AREL1: variants seen among roughly 807,000 people sequenced by gnomAD.
The protein encoded by AREL1 is apoptosis-resistant E3 ubiquitin protein ligase 1.
Under a neutral mutation model 99.0 loss-of-function variants are expected in AREL1, and 62 were observed. The observed-to-expected ratio is 0.63, with a 90% CI of 0.51 to 0.77. The LOEUF (loss-of-function observed/expected upper bound fraction) is 0.77, where lower values mean the gene tolerates loss of function less well. AREL1 is among the 30% of genes least tolerant of loss of function. The probability of loss-of-function intolerance (pLI) is 0.00; values close to 1 mark genes in which losing one functional copy is unlikely to be tolerated. For missense variants in AREL1, 879 were observed against 1,027.6 expected (o/e 0.86, Z 1.98); for synonymous variants, 380 against 376.5 (o/e 1.01, Z -0.11).
In AREL1 at chr14:74,692,310, C is replaced by A; in HGVS notation, c.-315G>T. 2.2e-6 allele frequency: 1 copy of A among 450,324 alleles called. No individual in the cohort carries two copies. Among genetic ancestry groups the A allele is most frequent in the South Asian group, 1.6e-5 (1 of 63,022 alleles). The allele number at this position is 450,324 out of a possible 1,614,324, so 27.9% of individuals were successfully genotyped here. A position where few individuals can be genotyped will look rare whatever the true frequency, so the allele number is the denominator to read the frequency against. Reference sequence around the variant, plus strand: ...TCTAGTGCAGGGTGCAATCGACTGCCAAAGGACGCCCCAGGATCCTGTCCA... The same window carrying A: ...TCTAGTGCAGGGTGCAATCGACTGCAAAAGGACGCCCCAGGATCCTGTCCA... On this transcript the variant is annotated 5_prime_UTR_variant, in exon 2 of 20. Coordinates refer to ENST00000356357, the MANE Select transcript of AREL1 (RefSeq NM_001039479.2).
chr14:74,710,281 T>A (rs2090256251), intron 1 of AREL1, among the ~76,000 whole-genome samples: 1 of 152,374 alleles, frequency 6.6e-6, no homozygotes, highest in East Asian at 1.9e-4. Flanking sequence ...CTACACTAAT[T>A]TAGCTCCCTA....
Position 74,667,482 on chromosome 14 carries a change from A to T in AREL1, c.2027T>A (p.Val676Glu), listed in dbSNP as rs761685459. Residue 676 changes from valine (V) to glutamate (E), a missense_variant, in exon 16 of 20, where the codon GTG (valine) becomes GAG (glutamate). Transcript: ENST00000356357. Reference sequence around the variant, plus strand: ...GATCCCACCTTTTAGGAAATGTTCCACCTCCTCTTTCACTTGACTGGCCAG... The same window carrying T: ...GATCCCACCTTTTAGGAAATGTTCCTCCTCCTCTTTCACTTGACTGGCCAG... ...YRLASQVKEE[V>E]EHFLKGLNEL... The T allele has an allele frequency of 6.8e-6, 11 of 1,612,364 alleles. No individual in the cohort carries two copies. Among genetic ancestry groups the T allele is most frequent in the African/African-American group, 1.3e-5 (1 of 74,866 alleles).
At chr14:74,696,152 T>C (rs1256639544) in intron 1 of AREL1, among the ~76,000 whole-genome samples, 2 of 152,200 alleles carry the variant, frequency 1.3e-5, no homozygotes, top group South Asian at 2.1e-4. Flanking sequence ...TGATGCTTTA[T>C]TGAAAAAGTA....
intron 1 of AREL1, among the ~76,000 whole-genome samples, chr14:74,707,401 A>T (rs2090200051): frequency 6.8e-6 from 1 of 146,370 alleles, no homozygotes; most frequent in Admixed American, 6.8e-5. Context: ...AGTGGATCAC[A>T]CCGGTAATCC....
intron 1 of AREL1, among the ~76,000 whole-genome samples, chr14:74,706,665 C>T (rs575381795): frequency 6.6e-6 from 1 of 152,314 alleles, no homozygotes; most frequent in South Asian, 2.1e-4. Flanking sequence ...GAAGCGACCA[C>T]ATGCCAAGCA....
Position 74,711,760 on chromosome 14 carries a change from TAAAG to T in AREL1, c.-334+1169_-334+1172del, listed in dbSNP as rs139275819. On this transcript the variant is annotated intron_variant, in intron 1 of 19. Coordinates refer to ENST00000356357, the MANE Select transcript of AREL1 (RefSeq NM_001039479.2). The stretch of plus-strand genomic sequence containing the variant: ...ACTATGATTATCTCCATTTTACAGA[TAAAG>T]AAACTGAGATGCAGATAGATTAACT... Among the ~76,000 whole-genome samples, 1,002 of 151,830 alleles carry T rather than the reference TAAAG, an allele frequency of 6.6e-3. 15 individuals carry two copies. Among genetic ancestry groups the T allele is most frequent in the African/African-American group, 0.023 (963 of 41,394 alleles).
At position 74,670,834 on chromosome 14, in the gene AREL1, C is replaced by T; in HGVS notation, c.1536G>A (p.Glu512=). ...DWGGPRREWF[E]LICKALFDTT... is the part of the protein sequence containing the mutation. ...TATCAAATAGTGCTTTGCAGATTAG[C>T]TCAAACCATTCCCGGCGAGGCCCTC... The change falls in exon 13 of 20, where the codon GAG becomes GAA. Residue 512 remains glutamate, a synonymous_variant. Transcript: ENST00000356357. 6.2e-7 allele frequency: 1 copy of T among 1,614,142 alleles called. No homozygotes were observed. The highest frequency in any genetic ancestry group is 1.1e-5 in the South Asian group (1 of 91,080).
At chr14:74,666,771 ATGCAGTGG>A (rs2139857575) in intron 17 of AREL1, among the ~76,000 whole-genome samples, 2 of 149,036 alleles carry the variant, frequency 1.3e-5, no homozygotes, top group East Asian at 3.9e-4. Context: ...CCAGGCTGGA[ATGCAGTGG>A]TGCGATCTCG....
rs2089071475 is a variant in AREL1 at position 74,661,297 on chromosome 14, A to G, written c.*2423T>C. The G allele has an allele frequency of 2.2e-6, 1 of 456,426 alleles. No homozygotes were observed. The highest frequency in any genetic ancestry group is 2.0e-5 in the African/African-American group (1 of 50,172). 28.3% of individuals were successfully genotyped at this position (456,426 alleles called of 1,614,324 possible). On this transcript the variant is annotated 3_prime_UTR_variant, in exon 20 of 20. Coordinates refer to ENST00000356357, the MANE Select transcript of AREL1 (RefSeq NM_001039479.2). ...TTTATCTACTGTACAAAATATTTAC[A>G]TCATCAGCTGCAACTGCCTGGCCCT...
At chr14:74,670,575 A>T in intron 13 of AREL1, 187 bp downstream of exon 13, 4 of 554,138 alleles carry the variant, frequency 7.2e-6, no homozygotes, top group African/African-American at 1.9e-5. Flanking sequence ...ATTTTTGCTT[A>T]TTTTACAGAT....
chr14:74,696,727 G>A (rs998626525), intron 1 of AREL1, among the ~76,000 whole-genome samples: 5 of 152,184 alleles, frequency 3.3e-5, no homozygotes, highest in African/African-American at 1.2e-4. Context: ...CACTTTGGGA[G>A]GCCAAAGTGG....
chr14:74,680,910 T>C (rs533421643), intron 5 of AREL1, among the ~76,000 whole-genome samples: 79 of 152,182 alleles, frequency 5.2e-4, no homozygotes, highest in Non-Finnish European at 9.3e-4. Flanking sequence ...TAGGCAGACA[T>C]AGTGGCTCAT....
rs139619016 is a variant in AREL1, at chr14:74,676,206, T to C, written c.767A>G (p.His256Arg). 1.0e-3 allele frequency: 1,634 copies of C among 1,614,152 alleles called. 15 individuals carry two copies. In the East Asian group the frequency reaches 0.027, roughly 27 times the overall value. The change falls in exon 7 of 20, where the codon CAT becomes CGT. Residue 256 changes from histidine (H) to arginine (R), a missense_variant. Physicochemically the swap from His to Arg is conservative, Grantham distance 29 (BLOSUM62 0). Coordinates refer to ENST00000356357, the MANE Select transcript of AREL1 (RefSeq NM_001039479.2). ...RLTLHSRGCF[H>R]ACISYQNQPI... Reference sequence around the variant, plus strand: ...CTGATTTTGGTATGAAATGCAAGCATGGAAGCAGCCTCGAGAATGCAGGGT... The same window carrying C: ...CTGATTTTGGTATGAAATGCAAGCACGGAAGCAGCCTCGAGAATGCAGGGT...
intron 4 of AREL1, among the ~76,000 whole-genome samples, chr14:74,683,943 A>T (rs548799859): frequency 6.6e-6 from 1 of 152,350 alleles, no homozygotes; most frequent in South Asian, 2.1e-4. Context: ...AGACAAAGGT[A>T]GGAGGGGTTC....
chr14:74,673,167 C>T lies in AREL1; in HGVS notation c.1210G>A (p.Asp404Asn), dbSNP rs2089394131. 1.2e-6 allele frequency: 2 copies of T among 1,614,156 alleles called. No homozygotes were observed. Among genetic ancestry groups the T allele is most frequent in the Non-Finnish European group, 1.7e-6 (2 of 1,180,036 alleles). Residue 404 changes from aspartate (D) to asparagine (N), a missense_variant, in exon 10 of 20, where the codon GAT (aspartate) becomes AAT (asparagine). Physicochemically the swap from Asp to Asn is conservative, Grantham distance 23. Transcript: ENST00000356357. Reference sequence around the variant, plus strand: ...TCCACAGGAGGTTGAATGCCATCATCCACCACCAGTGTGAGCAGCTTATGG... The same window carrying T: ...TCCACAGGAGGTTGAATGCCATCATTCACCACCAGTGTGAGCAGCTTATGG... ...PVHKLLTLVV[D>N]DGIQPPVELS...
intron 1 of AREL1, chr14:74,698,894 T>C: frequency 5.9e-6 from 1 of 170,826 alleles, no homozygotes. Context: ...TGTGGTGGTA[T>C]GCACCTATGG....
intron 3 of AREL1, 38 bp from the exon 4 acceptor site, chr14:74,684,718 T>TA (rs2089712229): frequency 6.3e-7 from 1 of 1,577,812 alleles, no homozygotes; most frequent in Non-Finnish European, 8.7e-7. Flanking sequence ...GCCTGCCAGT[T>TA]ACACATTACA....
rs2089110826 is a variant in AREL1 at position 74,662,673 on chromosome 14, C to T, written c.*1047G>A. 2.5e-6 allele frequency: 1 copy of T among 398,372 alleles called. No homozygotes were observed. Among genetic ancestry groups the T allele is most frequent in the African/African-American group, 2.1e-5 (1 of 48,584 alleles). The allele number at this position is 398,372 out of a possible 1,614,324, so 24.7% of individuals were successfully genotyped here. A position where few individuals can be genotyped will look rare whatever the true frequency, so the allele number is the denominator to read the frequency against. On this transcript the variant is annotated 3_prime_UTR_variant, in exon 20 of 20. Coordinates refer to ENST00000356357, the MANE Select transcript of AREL1 (RefSeq NM_001039479.2). ...ATGTTCATCCCTAGTGTCCTGACGC[C>T]AAGGACCTGTGATAAGCACGTAAAC...
chr14:74,712,136 G>A lies in AREL1; in HGVS notation c.-334+797C>T, dbSNP rs528941846. On this transcript the variant is annotated intron_variant, in intron 1 of 19. Coordinates refer to ENST00000356357, the MANE Select transcript of AREL1 (RefSeq NM_001039479.2). ...ATACAAGTACAGACTTTGGAATCAC[G>A]AGACTCAAACAGACCCCTGAACAAA... is the stretch of plus-strand genomic sequence containing the variant. 5.4e-5 allele frequency: 8 copies of A among 147,704 alleles called. No homozygotes were observed. In the South Asian group the frequency reaches 1.3e-3, roughly 24 times the overall value. 9.1% of individuals were successfully genotyped at this position (147,704 alleles called of 1,614,324 possible).
Sources: allele counts gnomAD v4.1 joint callset (sites outside exome capture counted in the v4.1 genomes callset), GRCh38; gene constraint gnomAD v4.1.1; transcripts MANE v1.5; gene names NCBI Gene and HGNC (gene_info 2026-07-23, HGNC 2026-07-21).